C12orf42: variants seen among roughly 807,000 people sequenced by gnomAD.
C12orf42 encodes the protein uncharacterized protein C12orf42.
In C12orf42, 25 loss-of-function variants were observed where a neutral mutation model predicts 21.6. The ratio of observed to expected loss-of-function variants is 1.16; its 90% CI spans 0.84 to 1.62. The LOEUF (loss-of-function observed/expected upper bound fraction) is 1.62, where lower values mean the gene tolerates loss of function less well. Ranked by LOEUF, C12orf42 falls within the 40% of genes most tolerant of loss-of-function variation. The pLI, the probability that C12orf42 is intolerant of heterozygous loss-of-function variation, is 0.00. For synonymous variants in C12orf42, 174 were observed against 175.0 expected (o/e 0.99, Z 0.05); for missense variants, 483 against 459.3 (o/e 1.05, Z -0.47).
chr12:103,311,215 T>C (rs1842177551), intron 4 of C12orf42, among the ~76,000 whole-genome samples: 1 of 152,090 alleles, frequency 6.6e-6, no homozygotes, highest in African/African-American at 2.4e-5. Flanking sequence ...TGTGTGTGTA[T>C]TCCTTATACT....
the C12orf42 span, among the ~76,000 whole-genome samples, chr12:103,141,188 A>G: frequency 4.6e-5 from 7 of 152,210 alleles, no homozygotes; most frequent in Non-Finnish European, 8.8e-5. Flanking sequence ...TGACCTGAAC[A>G]ATACTGTTTC....
chr12:103,278,837 C>T (rs1034392801), intron 4 of C12orf42, among the ~76,000 whole-genome samples: 6 of 152,254 alleles, frequency 3.9e-5, no homozygotes, highest in African/African-American at 9.6e-5. Context: ...TGTAAGTGCA[C>T]CTGACAGCCA....
At chr12:103,409,722 T>C (rs906048826) in intron 2 of C12orf42, among the ~76,000 whole-genome samples, 4 of 152,186 alleles carry the variant, frequency 2.6e-5, no homozygotes, top group African/African-American at 9.6e-5. Flanking sequence ...TAAGATTTTT[T>C]CCCTACCAAA....
chr12:103,526,407 G>A, the C12orf42 span, among the ~76,000 whole-genome samples: 34 of 152,324 alleles, frequency 2.2e-4, 1 homozygote, highest in South Asian at 6.8e-3. Flanking sequence ...AGTTGATAGA[G>A]TGAAAAGAAC....
the C12orf42 span, among the ~76,000 whole-genome samples, chr12:103,529,036 A>T: frequency 6.6e-6 from 1 of 152,234 alleles, no homozygotes; most frequent in Non-Finnish European, 1.5e-5. Flanking sequence ...CCAAAGTAGT[A>T]TAAGAGTGTG....
At chr12:103,539,520 C>T in the C12orf42 span, among the ~76,000 whole-genome samples, 4 of 152,162 alleles carry the variant, frequency 2.6e-5, no homozygotes, top group East Asian at 5.8e-4. Context: ...TTCATCATAC[C>T]TTTACTTTTT....
chr12:103,470,016 G>A (rs1398188014), intron 2 of C12orf42, among the ~76,000 whole-genome samples: 4 of 152,210 alleles, frequency 2.6e-5, no homozygotes, highest in African/African-American at 4.8e-5. Context: ...CAAAGAGCAT[G>A]GAATATACTG....
chr12:103,120,873 T>A, the C12orf42 span, among the ~76,000 whole-genome samples: 7 of 151,912 alleles, frequency 4.6e-5, no homozygotes, highest in East Asian at 9.6e-4. Flanking sequence ...GAAGAGATAG[T>A]AGAATACTCA....
intron 4 of C12orf42, among the ~76,000 whole-genome samples, chr12:103,359,558 T>C (rs1415846679): frequency 6.6e-6 from 1 of 152,090 alleles, no homozygotes; most frequent in African/African-American, 2.4e-5. Flanking sequence ...AATTACATGT[T>C]GTATAGTTTC....
At chr12:103,328,623 T>C (rs886199518) in intron 4 of C12orf42, among the ~76,000 whole-genome samples, 2 of 152,330 alleles carry the variant, frequency 1.3e-5, no homozygotes, top group East Asian at 1.9e-4. Context: ...TTCAGTTCCA[T>C]TGAGTGAAAG....
At chr12:103,104,377 G>A in the C12orf42 span, among the ~76,000 whole-genome samples, 2 of 152,232 alleles carry the variant, frequency 1.3e-5, no homozygotes, top group Non-Finnish European at 2.9e-5. Context: ...CAATCCAGGG[G>A]ATGTCAGATT....
chr12:103,268,391 C>T (rs1413540039), downstream of C12orf42: 4 of 151,944 alleles, frequency 2.6e-5, no homozygotes, highest in African/African-American at 9.7e-5. Context: ...ATGCAGAACA[C>T]AAACAGGGGA....
At position 103,436,535 on chromosome 12, in the gene C12orf42, C is replaced by CA. The variant is rs1315424434; in HGVS notation, c.79-34861dup. Among the ~76,000 whole-genome samples the CA allele has an allele frequency of 6.5e-3, 969 of 149,756 alleles. 8 individuals carry two copies. The highest frequency in any genetic ancestry group is 0.022 in the African/African-American group (882 of 40,566). On this transcript the variant is annotated intron_variant, in intron 2 of 5. Transcript: ENST00000548883. ...TCACGTGCAGAGACACACATAGGCT[C>CA]AAAATAAAAGGATGGAGGAAGATCT...
chr12:103,437,134 A>G (rs1950789023), intron 2 of C12orf42, among the ~76,000 whole-genome samples: 2 of 151,518 alleles, frequency 1.3e-5, no homozygotes, highest in Admixed American at 1.3e-4. Context: ...TGGAAACTGA[A>G]CAACCTGCTC....
At chr12:103,222,492 T>C in the C12orf42 span, among the ~76,000 whole-genome samples, 1 of 152,206 alleles carries the variant, frequency 6.6e-6, no homozygotes, top group African/African-American at 2.4e-5. Context: ...ATTCTTCAGT[T>C]ACTTCAGGCC....
At chr12:103,171,991 G>A in the C12orf42 span, among the ~76,000 whole-genome samples, 1 of 152,084 alleles carries the variant, frequency 6.6e-6, no homozygotes, top group Non-Finnish European at 1.5e-5. Context: ...ATAAGAAAAT[G>A]GTTTGTTTGG....
At chr12:103,276,815 G>A (rs2035799634) in intron 5 of C12orf42, among the ~76,000 whole-genome samples, 1 of 152,142 alleles carries the variant, frequency 6.6e-6, no homozygotes, top group Non-Finnish European at 1.5e-5. Flanking sequence ...GAACAGGATA[G>A]GAGTTTTCAT....
At chr12:103,087,989 G>T in the C12orf42 span, among the ~76,000 whole-genome samples, 4 of 152,220 alleles carry the variant, frequency 2.6e-5, no homozygotes, top group Non-Finnish European at 5.9e-5. Flanking sequence ...TGACCAGTTG[G>T]CCTTTGCCAG....
At chr12:103,073,367 T>C in the C12orf42 span, among the ~76,000 whole-genome samples, 1 of 152,160 alleles carries the variant, frequency 6.6e-6, no homozygotes. Flanking sequence ...AAAAAGAAAA[T>C]GCTCCCTCAG....
Sources: gnomAD v4.1 joint callset for allele counts (sites outside exome capture counted in the v4.1 genomes callset) on GRCh38, gnomAD v4.1.1 for gene constraint, MANE v1.5 for transcripts, NCBI Gene and HGNC (gene_info 2026-07-23, HGNC 2026-07-21) for gene names.